PAM: variants seen among roughly 807,000 people sequenced by gnomAD.
PAM encodes the protein peptidylglycine alpha-amidating monooxygenase.
Under a neutral mutation model 122.1 loss-of-function variants are expected in PAM, and 72 were observed. The ratio of observed to expected loss-of-function variants is 0.59; its 90% CI spans 0.49 to 0.72. PAM has a LOEUF of 0.72. Among genes scored for constraint, PAM ranks in the 30% least tolerant of loss-of-function variants. PAM has a pLI of 0.00. For missense variants in PAM, 1,106 were observed against 1,183.7 expected, an observed-to-expected ratio of 0.93 and a Z score of 0.96; for synonymous variants, 389 against 404.4, an observed-to-expected ratio of 0.96 and a Z score of 0.46.
intron 1 of PAM, among the ~76,000 whole-genome samples, chr5:102,831,861 A>G (rs999028969): frequency 6.2e-5 from 9 of 144,116 alleles, no homozygotes; most frequent in African/African-American, 2.3e-4. Context: ...CATTTTTTAT[A>G]GGAACTAGTC....
At chr5:102,936,093 C>T (rs1753156717) in intron 7 of PAM, among the ~76,000 whole-genome samples, 1 of 152,086 alleles carries the variant, frequency 6.6e-6, no homozygotes, top group East Asian at 1.9e-4. Context: ...TATCTGTGCA[C>T]TTGAGGGTAT....
chr5:102,813,060 C>A (rs1768452591), intron 1 of PAM, among the ~76,000 whole-genome samples: 1 of 150,822 alleles, frequency 6.6e-6, no homozygotes, highest in Admixed American at 6.6e-5. Flanking sequence ...GAGATGAAAT[C>A]TATTTTGCTT....
Position 102,962,697 on chromosome 5 carries a change from G to A in PAM, c.1162+1468G>A, listed in dbSNP as rs570925983. 7.2e-5 allele frequency among the ~76,000 whole-genome samples: 11 copies of A among 151,900 alleles called. No individual in the cohort carries two copies. In the South Asian group the frequency reaches 2.3e-3, roughly 32 times the overall value. ...TTAAAAACCCAGGGGTTTTGTTAGT[G>A]AAGCGGTATTAAAGGTTATATTTCA... is the stretch of plus-strand genomic sequence containing the variant. On this transcript the variant is annotated intron_variant, in intron 14 of 25. Coordinates refer to ENST00000438793, the MANE Select transcript of PAM (RefSeq NM_001177306.2).
intron 21 of PAM, among the ~76,000 whole-genome samples, chr5:103,012,631 G>C (rs990972105): frequency 2.0e-5 from 3 of 152,076 alleles, no homozygotes; most frequent in Admixed American, 6.5e-5. Flanking sequence ...GAGACGGGCA[G>C]ATCATGAGGT....
rs115292985 is a variant in PAM at position 102,760,626 on chromosome 5, A to G, written c.-374+5278A>G. On this transcript the variant is annotated intron_variant, in intron 1 of 25. Transcript: ENST00000438793. The stretch of plus-strand genomic sequence containing the variant: ...GGCAGAGAAGATATAGAAAATTTCC[A>G]TCATTGCAGATAGTTTTATTGGACA... Among the ~76,000 whole-genome samples, 1,192 of 152,348 alleles carry G rather than the reference A, an allele frequency of 7.8e-3. 8 individuals carry two copies. The highest frequency in any genetic ancestry group is 0.012 in the Non-Finnish European group (840 of 68,032).
At chr5:102,886,640 C>A (rs1357739820) in intron 3 of PAM, among the ~76,000 whole-genome samples, 1 of 151,960 alleles carries the variant, frequency 6.6e-6, no homozygotes, top group Non-Finnish European at 1.5e-5. Context: ...CTTATAGAAC[C>A]ATTATATTGT....
intron 7 of PAM, among the ~76,000 whole-genome samples, chr5:102,935,253 G>A (rs757901196): frequency 6.6e-6 from 1 of 151,712 alleles, no homozygotes; most frequent in Non-Finnish European, 1.5e-5. Flanking sequence ...TCAGATATGT[G>A]TATATGTACT....
chr5:102,874,651 C>T (rs535465634), intron 3 of PAM, among the ~76,000 whole-genome samples: 1 of 151,818 alleles, frequency 6.6e-6, no homozygotes, highest in East Asian at 1.9e-4. Flanking sequence ...TAACATGATG[C>T]TTGAGAATAT....
At chr5:102,812,012 T>C (rs952794389) in intron 1 of PAM, among the ~76,000 whole-genome samples, 4 of 152,316 alleles carry the variant, frequency 2.6e-5, no homozygotes, top group African/African-American at 9.6e-5. Flanking sequence ...TTAACTCCTA[T>C]GTGAATCAGC....
chr5:102,822,295 C>A (rs1015433405), intron 1 of PAM, among the ~76,000 whole-genome samples: 9 of 152,156 alleles, frequency 5.9e-5, no homozygotes, highest in African/African-American at 2.2e-4. Flanking sequence ...CCTGCCTATT[C>A]TAATTTAGAG....
intron 3 of PAM, among the ~76,000 whole-genome samples, chr5:102,879,290 G>A (rs1448807038): frequency 6.6e-6 from 1 of 152,142 alleles, no homozygotes; most frequent in African/African-American, 2.4e-5. Flanking sequence ...AAAGTCTACA[G>A]TAGTGTACAG....
At chr5:102,960,981 G>T (rs987839607) in intron 13 of PAM, among the ~76,000 whole-genome samples, 177 bp from the exon 14 acceptor site, 1 of 97,654 alleles carries the variant, frequency 1.0e-5, no homozygotes, top group East Asian at 3.7e-4. Flanking sequence ...GTTGTGCTGG[G>T]GGGTGGGGGG....
intron 5 of PAM, among the ~76,000 whole-genome samples, chr5:102,917,980 C>CA (rs1218577231): frequency 6.6e-6 from 1 of 152,142 alleles, no homozygotes; most frequent in Non-Finnish European, 1.5e-5. Flanking sequence ...CTCACATTGG[C>CA]AATGTGTCTA....
chr5:102,905,722 G>A (rs984479565), intron 4 of PAM, among the ~76,000 whole-genome samples: 10 of 151,654 alleles, frequency 6.6e-5, no homozygotes, highest in African/African-American at 2.2e-4. Flanking sequence ...GTGTACATGT[G>A]TGTGAGTCCT....
intron 1 of PAM, among the ~76,000 whole-genome samples, chr5:102,768,131 A>G (rs1002754229): frequency 6.6e-6 from 1 of 152,176 alleles, no homozygotes; most frequent in Non-Finnish European, 1.5e-5. Context: ...GGTGTTAACT[A>G]CTGTTATTAC....
chr5:103,027,657 G>C (rs1785342366), intron 24 of PAM, among the ~76,000 whole-genome samples: 1 of 152,148 alleles, frequency 6.6e-6, no homozygotes, highest in Admixed American at 6.6e-5. Flanking sequence ...ACATAAAGAA[G>C]AAACGATATA....
chr5:102,869,416 T>TA (rs1198090798), intron 3 of PAM, among the ~76,000 whole-genome samples: 1 of 152,186 alleles, frequency 6.6e-6, no homozygotes, highest in Non-Finnish European at 1.5e-5. Flanking sequence ...CGTCACTACT[T>TA]ATGCAGTGTT....
intron 16 of PAM, among the ~76,000 whole-genome samples, chr5:102,991,529 A>AGATG (rs1287518551): frequency 2.6e-5 from 4 of 152,172 alleles, no homozygotes; most frequent in African/African-American, 9.7e-5. Context: ...CCAGTTTCAG[A>AGATG]GATGTTGATT....
intron 8 of PAM, among the ~76,000 whole-genome samples, chr5:102,947,571 T>C (rs1311654194): frequency 6.6e-6 from 1 of 152,068 alleles, no homozygotes; most frequent in Non-Finnish European, 1.5e-5. Context: ...ACTAATTGAG[T>C]TCAGTGTATA....
Sources: allele counts gnomAD v4.1 joint callset (sites outside exome capture counted in the v4.1 genomes callset), GRCh38; gene constraint gnomAD v4.1.1; transcripts MANE v1.5; gene names NCBI Gene and HGNC (gene_info 2026-07-23, HGNC 2026-07-21).